SLC9C2: variants seen among roughly 807,000 people sequenced by gnomAD.
SLC9C2 encodes solute carrier family 9 member C2 (putative), also known as sodium/hydrogen exchanger 11.
SLC9C2 carries 75 observed loss-of-function variants against 140.2 expected under a neutral mutation model. The observed-to-expected ratio is 0.53, with a 90% CI of 0.44 to 0.65. The LOEUF is 0.65. Ranked by LOEUF, SLC9C2 falls within the 30% of genes least tolerant of loss-of-function variation. SLC9C2 has a pLI of 0.00. For synonymous variants in SLC9C2, 375 were observed against 420.9 expected, an observed-to-expected ratio of 0.89 and a Z score of 1.34; for missense variants, 1,074 against 1,331.8, an observed-to-expected ratio of 0.81 and a Z score of 3.01.
At chr1:173,573,403 A>C in intron 8 of SLC9C2, 78 bp from the exon 9 acceptor site, 1 of 1,037,260 alleles carries the variant, frequency 9.6e-7, no homozygotes, top group African/African-American at 1.7e-5. Flanking sequence ...AAAATCATAT[A>C]TCTTATATCT....
chr1:173,524,319 T>C (rs1053120665), intron 20 of SLC9C2, among the ~76,000 whole-genome samples: 19 of 152,290 alleles, frequency 1.2e-4, no homozygotes, highest in African/African-American at 4.6e-4. Flanking sequence ...ACCTATCATC[T>C]TCATAATTCA....
chr1:173,600,019 A>G (rs1048378078), intron 3 of SLC9C2, 98 bp downstream of exon 3: 13 of 737,204 alleles, frequency 1.8e-5, no homozygotes, highest in Non-Finnish European at 2.7e-5. Context: ...AGCTGTTCCC[A>G]TAAGAAAAAA....
At chr1:173,506,266 C>T (rs968150610) in intron 25 of SLC9C2, among the ~76,000 whole-genome samples, 1 of 152,214 alleles carries the variant, frequency 6.6e-6, no homozygotes, top group Non-Finnish European at 1.5e-5. Context: ...CAGCTCTTCC[C>T]ATGGCCTCTG....
At chr1:173,582,104 T>A (rs915240909) in intron 6 of SLC9C2, 96 bp from the exon 7 acceptor site, 4 of 963,168 alleles carry the variant, frequency 4.2e-6, no homozygotes, top group Non-Finnish European at 5.8e-6. Flanking sequence ...TTTGGTTTGC[T>A]TGTGAGATTT....
intron 17 of SLC9C2, among the ~76,000 whole-genome samples, chr1:173,533,040 G>T (rs1661698423): frequency 1.3e-5 from 2 of 152,202 alleles, no homozygotes; most frequent in Middle Eastern, 3.4e-3. Flanking sequence ...AGGGTGTGAA[G>T]GGTGGGTTGC....
At chr1:173,525,147 A>T (rs948573739) in intron 19 of SLC9C2, among the ~76,000 whole-genome samples, 1 of 151,508 alleles carries the variant, frequency 6.6e-6, no homozygotes, top group Non-Finnish European at 1.5e-5. Flanking sequence ...AGAGAAAATC[A>T]CTCTCTCTCT....
At position 173,535,912 on chromosome 1, in the gene SLC9C2, T is replaced by C; in HGVS notation, c.1693A>G (p.Thr565Ala). The change falls in exon 15 of 28, where the codon ACT (threonine) becomes GCT (alanine). Residue 565 changes from threonine (T) to alanine (A), a missense_variant. Thr to Ala is a moderately conservative substitution (Grantham distance 58). Coordinates refer to ENST00000367714, the MANE Select transcript of SLC9C2 (RefSeq NM_178527.4). ...SIYDVSTYMR[T>A]RSWLIKFKNV... Reference sequence around the variant, plus strand: ...TTAAACTTTATAAGCCAACTTCTAGTTCTCATATAAGTTGAAACATCATAA... The same window carrying C: ...TTAAACTTTATAAGCCAACTTCTAGCTCTCATATAAGTTGAAACATCATAA... 8 of 1,509,598 alleles carry C rather than the reference T, an allele frequency of 5.3e-6. No homozygotes were observed. Among genetic ancestry groups the C allele is most frequent in the Non-Finnish European group, 7.1e-6 (8 of 1,123,388 alleles). 93.5% of individuals were successfully genotyped at this position (1,509,598 alleles called of 1,614,324 possible).
At chr1:173,511,838 A>G (rs989072192) in intron 23 of SLC9C2, among the ~76,000 whole-genome samples, 1 of 152,216 alleles carries the variant, frequency 6.6e-6, no homozygotes, top group Non-Finnish European at 1.5e-5. Context: ...ATAAGGTGTA[A>G]GGAAGGGGTC....
At chr1:173,530,774 T>G (rs1483232144) in intron 17 of SLC9C2, among the ~76,000 whole-genome samples, 1 of 152,058 alleles carries the variant, frequency 6.6e-6, no homozygotes, top group African/African-American at 2.4e-5. Flanking sequence ...ACAGGGGGCT[T>G]CCCACAGGGT....
chr1:173,537,156 T>C lies in SLC9C2; in HGVS notation c.1558-117A>G, dbSNP rs1662029205. The C allele has an allele frequency of 8.4e-6, 6 of 710,372 alleles. No homozygotes were observed. The South Asian group carries it at 1.1e-4, about 13-fold the overall frequency. 44.0% of individuals were successfully genotyped at this position (710,372 alleles called of 1,614,324 possible). ...GAACTCAATATATCAAAATATGCCA[T>C]TACAAAAAATTATGTAGTAGGAAAT... is the stretch of plus-strand genomic sequence containing the variant. On this transcript the variant is annotated intron_variant, in intron 13 of 27. Transcript: ENST00000367714.
chr1:173,565,578 T>C (rs1664416874), intron 9 of SLC9C2, among the ~76,000 whole-genome samples: 1 of 152,230 alleles, frequency 6.6e-6, no homozygotes, highest in South Asian at 2.1e-4. Flanking sequence ...TGTCTGTTTT[T>C]ATGCCATTCC....
At chr1:173,599,126 CT>C (rs144349930) in intron 3 of SLC9C2, among the ~76,000 whole-genome samples, 92 of 148,636 alleles carry the variant, frequency 6.2e-4, no homozygotes, top group African/African-American at 1.8e-3. Context: ...TAAGCAGGCC[CT>C]TTTTTTTTTG....
chr1:173,510,775 G>A (rs1207980758), intron 23 of SLC9C2, among the ~76,000 whole-genome samples: 3 of 152,078 alleles, frequency 2.0e-5, no homozygotes, highest in Non-Finnish European at 4.4e-5. Flanking sequence ...TTGCTCTTGT[G>A]AATAGTGTGG....
rs1423828081 is a variant in SLC9C2 at position 173,529,896 on chromosome 1, G to GT, written c.2313+8dup. 7 of 1,603,096 alleles carry GT rather than the reference G, an allele frequency of 4.4e-6. No homozygotes were observed. Among genetic ancestry groups the GT allele is most frequent in the Middle Eastern group, 1.9e-4 (1 of 5,334 alleles). On this transcript the variant is annotated intron_variant, in intron 18 of 27. Transcript: ENST00000367714. ...TTTTCTCCCCAAATGACCAGTGCTT[G>GT]TTTCTCACCTGATATATTGATTCAC... is the stretch of plus-strand genomic sequence containing the variant.
chr1:173,539,654 G>C (rs1365404281), intron 13 of SLC9C2, among the ~76,000 whole-genome samples: 3 of 152,122 alleles, frequency 2.0e-5, no homozygotes, highest in African/African-American at 7.2e-5. Context: ...AGTGTAGCTG[G>C]GACTAAAGAA....
chr1:173,541,371 G>C (rs527827914), intron 13 of SLC9C2, among the ~76,000 whole-genome samples: 31 of 152,230 alleles, frequency 2.0e-4, no homozygotes, highest in South Asian at 1.0e-3. Context: ...AGTCCTTAGA[G>C]ACCTAGAAAG....
intron 13 of SLC9C2, among the ~76,000 whole-genome samples, chr1:173,542,256 T>C (rs1312852574): frequency 5.3e-5 from 8 of 152,146 alleles, no homozygotes; most frequent in Admixed American, 4.6e-4. Flanking sequence ...CTAGAAAATC[T>C]AGAAGAAATG....
At chr1:173,547,122 T>C (rs1662906655) in intron 13 of SLC9C2, among the ~76,000 whole-genome samples, 1 of 152,092 alleles carries the variant, frequency 6.6e-6, no homozygotes, top group Non-Finnish European at 1.5e-5. Context: ...TATATACATT[T>C]TATATTGAAT....
chr1:173,564,637 C>CTTTTTT (rs200972272), intron 9 of SLC9C2, among the ~76,000 whole-genome samples: 40 of 119,734 alleles, frequency 3.3e-4, no homozygotes, highest in Non-Finnish European at 5.7e-4. Context: ...TTTTCCTTTT[C>CTTTTTT]TTTTTTTTTT....
Sources: allele counts gnomAD v4.1 joint callset (sites outside exome capture counted in the v4.1 genomes callset), GRCh38; gene constraint gnomAD v4.1.1; transcripts MANE v1.5; gene names NCBI Gene and HGNC (gene_info 2026-07-23, HGNC 2026-07-21).